ZBBX: variants seen among roughly 807,000 people sequenced by gnomAD.
ZBBX encodes the protein zinc finger B-box domain containing.
Under a neutral mutation model 108.5 loss-of-function variants are expected in ZBBX, and 101 were observed. The ratio of observed to expected loss-of-function variants is 0.93; its 90% CI spans 0.79 to 1.10. The LOEUF (loss-of-function observed/expected upper bound fraction) is 1.10. ZBBX is among the 50% of genes least tolerant of loss of function. The probability of loss-of-function intolerance (pLI) is 0.00; values close to 1 mark genes in which losing one functional copy is unlikely to be tolerated. For missense variants in ZBBX, 1,009 were observed against 941.4 expected (o/e 1.07, Z -0.94); for synonymous variants, 356 against 323.4 (o/e 1.10, Z -1.08).
At chr3:167,251,959 C>CACACACACACACACA (rs374736828) in intron 20 of ZBBX, among the ~76,000 whole-genome samples, 21 of 151,440 alleles carry the variant, frequency 1.4e-4, no homozygotes, top group African/African-American at 4.8e-4. Flanking sequence ...CACACACACA[C>CACACACACACACACA]ATCTGTCCAT....
intron 16 of ZBBX, 90 bp downstream of exon 16, chr3:167,313,884 A>G: frequency 8.0e-7 from 1 of 1,253,250 alleles, no homozygotes; most frequent in Non-Finnish European, 1.1e-6. Flanking sequence ...TTGGTTTTAA[A>G]ATGAACAGCA....
intron 1 of ZBBX, among the ~76,000 whole-genome samples, chr3:167,403,400 T>A (rs1162802260): frequency 6.6e-6 from 1 of 152,152 alleles, no homozygotes; most frequent in East Asian, 1.9e-4. Context: ...AGAGAATTTG[T>A]TGCCATCATA....
At chr3:167,380,815 A>C (rs1747653754), upstream of ZBBX, among the ~76,000 whole-genome samples, 2 of 151,740 alleles carry the variant, frequency 1.3e-5, no homozygotes, top group African/African-American at 4.8e-5. Flanking sequence ...TACCGAATAC[A>C]TGACCCGTGG....
intron 17 of ZBBX, among the ~76,000 whole-genome samples, chr3:167,299,181 A>G (rs551619949): frequency 5.9e-5 from 9 of 152,234 alleles, no homozygotes; most frequent in African/African-American, 2.2e-4. Context: ...AGGTTATAGT[A>G]TAATCAGAGT....
the ZBBX span, among the ~76,000 whole-genome samples, chr3:167,224,362 AG>A: frequency 2.0e-5 from 3 of 151,966 alleles, no homozygotes; most frequent in South Asian, 6.2e-4. Context: ...CAGTTAGATA[AG>A]AGGAATAAGT....
intron 18 of ZBBX, among the ~76,000 whole-genome samples, chr3:167,290,990 G>A (rs912293469): frequency 1.6e-4 from 25 of 152,160 alleles, no homozygotes; most frequent in Admixed American, 9.2e-4. Context: ...AAATAAAGCG[G>A]AAAGACAAGG....
intron 18 of ZBBX, among the ~76,000 whole-genome samples, chr3:167,291,107 A>G (rs1730609989): frequency 1.3e-5 from 2 of 152,114 alleles, no homozygotes; most frequent in Non-Finnish European, 2.9e-5. Flanking sequence ...TGACGGGGAG[A>G]ATGGAACCAA....
intron 9 of ZBBX, among the ~76,000 whole-genome samples, chr3:167,348,374 A>AG: frequency 3.0e-5 from 4 of 131,670 alleles, no homozygotes; most frequent in Admixed American, 7.8e-5. Flanking sequence ...GAAAGAAAAA[A>AG]AAGAAAAGAA....
chr3:167,211,537 C>T, the ZBBX span, among the ~76,000 whole-genome samples: 1 of 152,160 alleles, frequency 6.6e-6, no homozygotes, highest in Admixed American at 6.5e-5. Flanking sequence ...GGAATTCCAG[C>T]CAGCTAGCAG....
intron 5 of ZBBX, 47 bp downstream of exon 5, chr3:167,368,414 A>G: frequency 4.6e-6 from 6 of 1,318,440 alleles, no homozygotes; most frequent in Non-Finnish European, 6.5e-6. Context: ...ATAGTTCTTT[A>G]TATAATTTAG....
chr3:167,314,332 T>C (rs1735078914), intron 15 of ZBBX, among the ~76,000 whole-genome samples: 1 of 152,262 alleles, frequency 6.6e-6, no homozygotes, highest in Admixed American at 6.5e-5. Context: ...CTGGACCAAA[T>C]CTAATTTAAC....
intron 14 of ZBBX, 25 bp downstream of exon 14, chr3:167,316,980 G>T (rs572441147): frequency 2.9e-6 from 4 of 1,359,304 alleles, no homozygotes; most frequent in South Asian, 1.3e-5. Flanking sequence ...AATCATGAAT[G>T]GTCATTATGC....
At chr3:167,191,920 T>TAGAGAG in the ZBBX span, among the ~76,000 whole-genome samples, 84 of 122,190 alleles carry the variant, frequency 6.9e-4, 2 homozygotes, top group African/African-American at 2.7e-3. Context: ...TATATATATA[T>TAGAGAG]ATATATATAT....
At chr3:167,288,540 C>T (rs1021516638) in intron 19 of ZBBX, among the ~76,000 whole-genome samples, 3 of 152,118 alleles carry the variant, frequency 2.0e-5, no homozygotes, top group Admixed American at 1.3e-4. Flanking sequence ...AAACATACTG[C>T]TTCCTGAGTG....
the ZBBX span, among the ~76,000 whole-genome samples, chr3:167,198,053 A>G: frequency 6.6e-6 from 1 of 152,178 alleles, no homozygotes; most frequent in African/African-American, 2.4e-5. Context: ...TCCTTAACAA[A>G]AATCAGTTCA....
intron 9 of ZBBX, among the ~76,000 whole-genome samples, chr3:167,341,273 ATAGAT>A (rs1740494259): frequency 1.3e-5 from 2 of 151,898 alleles, no homozygotes; most frequent in Non-Finnish European, 2.9e-5. Context: ...TATTTAATAG[ATAGAT>A]TAAATAAAAC....
intron 9 of ZBBX, among the ~76,000 whole-genome samples, chr3:167,341,376 A>G (rs1577043337): frequency 6.6e-6 from 1 of 151,900 alleles, no homozygotes; most frequent in Non-Finnish European, 1.5e-5. Context: ...AATAACACGA[A>G]AATAATGAAA....
the ZBBX span, among the ~76,000 whole-genome samples, chr3:167,202,814 C>T: frequency 1.3e-5 from 2 of 152,004 alleles, no homozygotes; most frequent in African/African-American, 2.4e-5. Context: ...ATAATCACAC[C>T]CCCAGATTAT....
chr3:167,398,965 T>G (rs1445635380), intron 1 of ZBBX, among the ~76,000 whole-genome samples: 1 of 151,612 alleles, frequency 6.6e-6, no homozygotes, highest in Non-Finnish European at 1.5e-5. Context: ...GGTGGCTTTA[T>G]AAGAAGAGTA....
Sources: gnomAD v4.1 joint callset for allele counts (sites outside exome capture counted in the v4.1 genomes callset) on GRCh38, gnomAD v4.1.1 for gene constraint, MANE v1.5 for transcripts, NCBI Gene and HGNC (gene_info 2026-07-23, HGNC 2026-07-21) for gene names.